Variants in ACOT12 observed in about 807,000 individuals in gnomAD.
ACOT12 encodes the protein acyl-CoA thioesterase 12, also known as acetyl-coenzyme A thioesterase.
Under a neutral mutation model 67.7 loss-of-function variants are expected in ACOT12, and 51 were observed. That is an observed-to-expected ratio of 0.75 (90% confidence interval 0.60 to 0.95). The LOEUF (loss-of-function observed/expected upper bound fraction) is 0.95, where lower values mean the gene tolerates loss of function less well. ACOT12 is among the 40% of genes least tolerant of loss of function. The pLI, the probability that ACOT12 is intolerant of heterozygous loss-of-function variation, is 0.00. For missense variants in ACOT12, 734 were observed against 708.1 expected, an observed-to-expected ratio of 1.04 and a Z score of -0.41; for synonymous variants, 251 against 244.6, an observed-to-expected ratio of 1.03 and a Z score of -0.24.
intron 12 of ACOT12, 55 bp from the exon 13 acceptor site, chr5:81,332,660 ACTTCC>A: frequency 1.2e-6 from 2 of 1,602,352 alleles, no homozygotes; most frequent in Non-Finnish European, 1.7e-6. Flanking sequence ...TCAGGCATTC[ACTTCC>A]CTTATTTGCT....
Position 81,382,103 on chromosome 5 carries a change from ACT to A in ACOT12, c.197+3652_197+3653del, listed in dbSNP as rs762615400. 5.7e-3 allele frequency among the ~76,000 whole-genome samples: 864 copies of A among 152,310 alleles called. 9 individuals carry two copies. Among genetic ancestry groups the A allele is most frequent in the African/African-American group, 0.02 (833 of 41,566 alleles). Reference sequence around the variant, plus strand: ...ATATTCAGCATAAAATAAAATTAAAACTCAGAGATATAGACATAAAATCAAAG... The same window carrying A: ...ATATTCAGCATAAAATAAAATTAAAACAGAGATATAGACATAAAATCAAAG... On this transcript the variant is annotated intron_variant, in intron 2 of 14. Coordinates refer to ENST00000307624, the MANE Select transcript of ACOT12 (RefSeq NM_130767.3).
In ACOT12 at chr5:81,335,872, A is replaced by G. The variant is rs1758982566; in HGVS notation, c.1158T>C (p.Asp386=). 1.2e-6 allele frequency: 2 copies of G among 1,613,778 alleles called. No homozygotes were observed. Among genetic ancestry groups the G allele is most frequent in the Non-Finnish European group, 1.7e-6 (2 of 1,179,888 alleles). Residue 386 remains aspartate, a synonymous_variant, in exon 12 of 15, where the codon GAT becomes GAC. Coordinates refer to ENST00000307624, the MANE Select transcript of ACOT12 (RefSeq NM_130767.3). Reference sequence around the variant, plus strand: ...GCTTTTCAACCCAAACAGATAAAACATCATGCTCTTCCAGAGTATATATTT... The same window carrying G: ...GCTTTTCAACCCAAACAGATAAAACGTCATGCTCTTCCAGAGTATATATTT... ...KIKIYTLEEH[D]VLSVWVEKHV...
intron 3 of ACOT12, among the ~76,000 whole-genome samples, chr5:81,369,867 CACAGTTGA>C (rs1346660100): frequency 6.6e-6 from 1 of 152,328 alleles, no homozygotes; most frequent in African/African-American, 2.4e-5. Flanking sequence ...CTAAGAGCCC[CACAGTTGA>C]ATAAACGCTC....
At chr5:81,348,014 C>A (rs1288594606) in intron 5 of ACOT12, 84 bp from the exon 6 acceptor site, 3 of 1,427,494 alleles carry the variant, frequency 2.1e-6, no homozygotes, top group East Asian at 2.3e-5. Context: ...GCAGTACATT[C>A]AACTCGGATT....
downstream of ACOT12, among the ~76,000 whole-genome samples, chr5:81,329,434 A>C (rs1285799681): frequency 6.6e-6 from 1 of 152,234 alleles, no homozygotes; most frequent in East Asian, 1.9e-4. Flanking sequence ...ACTTGCTGGC[A>C]CAGGAAAAAT....
chr5:81,336,033 C>G, intron 11 of ACOT12, 132 bp from the exon 12 acceptor site: 3 of 978,162 alleles, frequency 3.1e-6, no homozygotes, highest in Non-Finnish European at 4.3e-6. Flanking sequence ...GAAATTGAAG[C>G]CCCATGGCAA....
chr5:81,319,275 G>T, the ACOT12 span, among the ~76,000 whole-genome samples: 132 of 152,282 alleles, frequency 8.7e-4, no homozygotes, highest in African/African-American at 3.0e-3. Context: ...AGCTGTTGTG[G>T]TTTCTCAAAT....
chr5:81,319,507 C>T, the ACOT12 span, among the ~76,000 whole-genome samples: 3 of 152,138 alleles, frequency 2.0e-5, no homozygotes, highest in East Asian at 1.9e-4. Context: ...TATCTGAGGT[C>T]GGGAATTTGA....
chr5:81,359,913 G>A lies in ACOT12; in HGVS notation c.486C>T (p.Ser162=), dbSNP rs1370290096. 1.2e-6 allele frequency: 2 copies of A among 1,604,940 alleles called. No homozygotes were observed. The highest frequency in any genetic ancestry group is 2.7e-5 in the African/African-American group (2 of 74,478). The change falls in exon 5 of 15, where the codon AGC becomes AGT. Residue 162 remains serine, a synonymous_variant. Transcript: ENST00000307624. ...DTFNNLMKES[S]KFDDLIFDEE... ...AGTGGATTTACTGACCATCAAATTT[G>A]CTACTTTCCTTCATTAAATTGTTAA...
intron 2 of ACOT12, among the ~76,000 whole-genome samples, chr5:81,374,617 C>T (rs533387378): frequency 3.3e-5 from 5 of 152,184 alleles, no homozygotes; most frequent in Non-Finnish European, 5.9e-5. Context: ...GAATTGCTAA[C>T]TAGAATAACC....
chr5:81,330,993 A>T, intron 13 of ACOT12, 53 bp from the exon 14 acceptor site: 1 of 1,512,864 alleles, frequency 6.6e-7, no homozygotes, highest in Non-Finnish European at 8.8e-7. Context: ...TAGTTGTTAG[A>T]AAATAAATCC....
downstream of ACOT12, among the ~76,000 whole-genome samples, chr5:81,325,640 T>C (rs1056521977): frequency 6.6e-6 from 1 of 152,212 alleles, no homozygotes. Context: ...ATCTCCAAAA[T>C]ATCCCTAAAT....
chr5:81,324,328 T>C, the ACOT12 span, among the ~76,000 whole-genome samples: 1 of 152,176 alleles, frequency 6.6e-6, no homozygotes, highest in Non-Finnish European at 1.5e-5. Context: ...AGTAAGGTTC[T>C]CATTATATTT....
intron 1 of ACOT12, among the ~76,000 whole-genome samples, chr5:81,390,440 A>G (rs1464763823): frequency 1.3e-5 from 2 of 151,376 alleles, no homozygotes; most frequent in Non-Finnish European, 2.9e-5. Context: ...TTGGCTTTTA[A>G]AAAATAGTTT....
the ACOT12 span, among the ~76,000 whole-genome samples, chr5:81,318,488 AGTTTATTTTCTCTT>A: frequency 1.4e-5 from 2 of 146,024 alleles, no homozygotes; most frequent in East Asian, 1.9e-4. Flanking sequence ...AAACTTTTCA[AGTTTATTTTCTCTT>A]GTTTATTTTC....
In ACOT12 at chr5:81,390,451, C is replaced by A. The variant is rs185754952; in HGVS notation, c.127+3537G>T. Among the ~76,000 whole-genome samples the A allele has an allele frequency of 1.6e-3, 246 of 151,428 alleles. 3 individuals are homozygous for A. Among genetic ancestry groups the A allele is most frequent in the Non-Finnish European group, 2.8e-3 (193 of 67,940 alleles). ...CCATTTGGCTTTTAAAAAATAGTTTCTATTACTCTGCAGAAATGTACTGTC... is the reference window on the plus strand; with the variant it reads ...CCATTTGGCTTTTAAAAAATAGTTTATATTACTCTGCAGAAATGTACTGTC... On this transcript the variant is annotated intron_variant, in intron 1 of 14. Coordinates refer to ENST00000307624, the MANE Select transcript of ACOT12 (RefSeq NM_130767.3).
rs530809866 is a variant in ACOT12, at chr5:81,365,068, C to T, written c.259-1179G>A. On this transcript the variant is annotated intron_variant, in intron 3 of 14. Coordinates refer to ENST00000307624, the MANE Select transcript of ACOT12 (RefSeq NM_130767.3). ...GCTAGATTTCCCCCTGTGTGAAGAG[C>T]GCTGAAGCTTGGTCCTCAGGATTGC... is the stretch of plus-strand genomic sequence containing the variant. 6.6e-5 allele frequency among the ~76,000 whole-genome samples: 10 copies of T among 152,248 alleles called. No individual in the cohort carries two copies. In the East Asian group the frequency reaches 1.2e-3, roughly 18 times the overall value.
At chr5:81,387,046 C>A in intron 1 of ACOT12, among the ~76,000 whole-genome samples, 1 of 142,586 alleles carries the variant, frequency 7.0e-6, no homozygotes, top group African/African-American at 2.6e-5. Context: ...CTCACTGTCA[C>A]CCAGGCTGGA....
In ACOT12 at chr5:81,380,580, A is replaced by G. The variant is rs1427150991; in HGVS notation, c.197+5177T>C. ...CTGTCTTAGAAAAAAAAAAAAAAAA[A>G]GAAAAGAAATCTATCCCACAAATAT... On this transcript the variant is annotated intron_variant, in intron 2 of 14. Transcript: ENST00000307624. 1.3e-3 allele frequency among the ~76,000 whole-genome samples: 145 copies of G among 113,334 alleles called. 4 individuals carry two copies. The highest frequency in any genetic ancestry group is 4.4e-3 in the African/African-American group (137 of 31,016). 74.4% of individuals were successfully genotyped at this position (113,334 alleles called of 152,430 possible).
Sources: allele counts gnomAD v4.1 joint callset (sites outside exome capture counted in the v4.1 genomes callset), GRCh38; gene constraint gnomAD v4.1.1; transcripts MANE v1.5; gene names NCBI Gene and HGNC (gene_info 2026-07-23, HGNC 2026-07-21).